Variants in PTCH1 observed in about 807,000 individuals in gnomAD.
PTCH1 encodes the protein patched 1.
A neutral mutation model predicts 144.6 loss-of-function variants in PTCH1; 14 were observed. The observed-to-expected ratio is 0.10, with a 90% CI of 0.06 to 0.15. PTCH1 has a LOEUF of 0.15. Among genes scored for constraint, PTCH1 ranks in the 10% least tolerant of loss-of-function variants. The pLI is 1.00. For synonymous variants in PTCH1, 833 were observed against 793.6 expected, an observed-to-expected ratio of 1.05 and a Z score of -0.83; for missense variants, 1,623 against 1,948.3, an observed-to-expected ratio of 0.83 and a Z score of 3.14.
At chr9:95,490,629 G>A (rs1842332257) in intron 2 of PTCH1, among the ~76,000 whole-genome samples, 1 of 151,334 alleles carries the variant, frequency 6.6e-6, no homozygotes, top group Non-Finnish European at 1.5e-5. Context: ...AAAAAAAATA[G>A]GCATCTCTGT....
chr9:95,508,503 G>A lies in PTCH1; in HGVS notation c.-142C>T, dbSNP rs1230171342. The A allele has an allele frequency of 9.8e-6, 10 of 1,018,892 alleles. No individual in the cohort carries two copies. The South Asian group carries it at 3.1e-4, about 32-fold the overall frequency. 63.1% of individuals were successfully genotyped at this position (1,018,892 alleles called of 1,614,324 possible). A position where few individuals can be genotyped will look rare whatever the true frequency, so the allele number is the denominator to read the frequency against. ...CTGGCCGCAGGCTGCTCGGGCTCGG[G>A]CTCCGGTTGACAGACCAGCCGCTGC... On this transcript the variant is annotated 5_prime_UTR_variant, in exon 1 of 24. Transcript: ENST00000331920.
Position 95,485,948 on chromosome 9 carries a change from C to T in PTCH1, c.395-74G>A, listed in dbSNP as rs566383017. On this transcript the variant is annotated intron_variant, in intron 2 of 23. Coordinates refer to ENST00000331920, the MANE Select transcript of PTCH1 (RefSeq NM_000264.5). Reference sequence around the variant, plus strand: ...TCATGTTTTATCTGTTATCTGACTACCTGCCATAGGATACACAATAGATGA... The same window carrying T: ...TCATGTTTTATCTGTTATCTGACTATCTGCCATAGGATACACAATAGATGA... 2,575 of 1,518,728 alleles carry T rather than the reference C, an allele frequency of 1.7e-3. 7 individuals carry two copies. Among genetic ancestry groups the T allele is most frequent in the Middle Eastern group, 2.5e-3 (13 of 5,262 alleles). The allele number at this position is 1,518,728 out of a possible 1,614,324, so 94.1% of individuals were successfully genotyped here.
At chr9:95,477,989 G>A in intron 9 of PTCH1, 66 bp downstream of exon 9, 1 of 1,609,918 alleles carries the variant, frequency 6.2e-7, no homozygotes. Context: ...GAGCAGTCAT[G>A]GAAAAGTAAA....
chr9:95,516,853 G>A lies in PTCH1; in HGVS notation c.-382C>T, dbSNP rs749767389. On this transcript the variant is annotated 5_prime_UTR_variant, in exon 1 of 23. Transcript: ENST00000430669. ...GGCGTGGGTGGTCTGCCGCGCCATA[G>A]GCAGGACCTGTCAGGGTCACGTGAC... 7.7e-6 allele frequency: 12 copies of A among 1,558,814 alleles called. No homozygotes were observed. The African/African-American group carries it at 1.5e-4, about 20-fold the overall frequency.
Position 95,456,192 on chromosome 9 carries a change from G to GC in PTCH1, c.3306+83dup, listed in dbSNP as rs5899258. On this transcript the variant is annotated intron_variant, in intron 19 of 23. Coordinates refer to ENST00000331920, the MANE Select transcript of PTCH1 (RefSeq NM_000264.5). Reference sequence around the variant, plus strand: ...TTTCACTGCCACGCACAGGGAGAATGCAAGGTTCCCACTTGGAGACAAACA... The same window carrying GC: ...TTTCACTGCCACGCACAGGGAGAATGCCAAGGTTCCCACTTGGAGACAAACA... 596,001 of 1,587,744 alleles carry GC rather than the reference G, an allele frequency of 0.38. 117,544 individuals are homozygous for GC. Among genetic ancestry groups the GC allele is most frequent in the African/African-American group, 0.68 (50,982 of 74,666 alleles).
At position 95,458,837 on chromosome 9, in the gene PTCH1, T is replaced by C. The variant is rs1029951396; in HGVS notation, c.2888-544A>G. Among the ~76,000 whole-genome samples the C allele has an allele frequency of 2.6e-5, 4 of 152,242 alleles. No homozygotes were observed. Among genetic ancestry groups the C allele is most frequent in the African/African-American group, 9.6e-5 (4 of 41,466 alleles). ...TTCCAGACCCTCTGGGGTCATTCAG[T>C]TGACTTGCTAAACATGATTTGCCCT... is the stretch of plus-strand genomic sequence containing the variant. On this transcript the variant is annotated intron_variant, in intron 17 of 23. Coordinates refer to ENST00000331920, the MANE Select transcript of PTCH1 (RefSeq NM_000264.5). The surrounding 1 kb of genome is among the most constrained non-coding windows in gnomAD (Gnocchi z 4.7).
In PTCH1 at chr9:95,477,695, T is replaced by C. The variant is rs1255345516; in HGVS notation, c.1355A>G (p.Tyr452Cys). 3 of 1,614,130 alleles carry C rather than the reference T, an allele frequency of 1.9e-6. No homozygotes were observed. Among genetic ancestry groups the C allele is most frequent in the Non-Finnish European group, 1.7e-6 (2 of 1,180,024 alleles). The change falls in exon 10 of 24, where the codon TAT (tyrosine) becomes TGT (cysteine). Residue 452 changes from tyrosine to cysteine, a missense_variant. Coordinates refer to ENST00000331920, the MANE Select transcript of PTCH1 (RefSeq NM_000264.5). ...CCAGCGCAGCATGGTTAGACAGGCA[T>C]AGGCGAGCTGCAAGCAGAACAATGG... ...VASGYLLMLA[Y>C]ACLTMLRWDC...
In PTCH1 at chr9:95,469,079, G is replaced by A. The variant is rs2118053862; in HGVS notation, c.1922C>T (p.Pro641Leu). The A allele has an allele frequency of 1.2e-6, 2 of 1,614,086 alleles. No homozygotes were observed. Among genetic ancestry groups the A allele is most frequent in the Non-Finnish European group, 1.7e-6 (2 of 1,180,028 alleles). Residue 641 changes from proline to leucine, a missense_variant, in exon 14 of 24, where the codon CCC becomes CTC. By Grantham distance (98) the Pro-to-Leu change is moderately conservative. Around this residue, in one of 7 missense-constraint regions of PTCH1, gnomAD observed 179 missense variants for 165.7 expected, o/e 1.08. Coordinates refer to ENST00000331920, the MANE Select transcript of PTCH1 (RefSeq NM_000264.5). ...TDTHDNTRYSPPPPYSSHSFA... is the reference protein window; with the variant it reads ...TDTHDNTRYSLPPPYSSHSFA... ...GCTGTGGCTGCTGTAGGGAGGTGGG[G>A]GGCTGTAGCGGGTATTGTCGTGTGT...
chr9:95,516,903 C>T, exon 1 of PTCH1: 1 of 1,194,716 alleles, frequency 8.4e-7, no homozygotes, highest in Admixed American at 2.4e-5. Context: ...TACCCCTTTA[C>T]AATAAACTCA....
rs1439754775 is a variant in PTCH1 at position 95,443,424 on chromosome 9, ATAT to A, written c.*2966_*2968del. 1.3e-5 allele frequency: 2 copies of A among 152,670 alleles called. No homozygotes were observed. The highest frequency in any genetic ancestry group is 2.4e-5 in the African/African-American group (1 of 41,466). 9.5% of individuals were successfully genotyped at this position (152,670 alleles called of 1,614,324 possible). A position where few individuals can be genotyped will look rare whatever the true frequency, so the allele number is the denominator to read the frequency against. On this transcript the variant is annotated 3_prime_UTR_variant, in exon 24 of 24. Coordinates refer to ENST00000331920, the MANE Select transcript of PTCH1 (RefSeq NM_000264.5). ...CAAACAAAGATATAACCAACAAGTT[ATAT>A]TATTTTTTATTCATGTTAGAATTTC...
intron 2 of PTCH1, among the ~76,000 whole-genome samples, chr9:95,493,650 AC>A (rs1462064123): frequency 3.3e-5 from 5 of 152,234 alleles, no homozygotes; most frequent in African/African-American, 4.8e-5. Context: ...GAATTATCTA[AC>A]AGCCTCTAGA....
rs202192880 is a variant in PTCH1 at position 95,506,348 on chromosome 9, C to CT, written c.394+58dup. 8.0e-4 allele frequency: 1,245 copies of CT among 1,565,546 alleles called. 10 individuals carry two copies. The African/African-American group carries it at 0.014, about 17-fold the overall frequency. On this transcript the variant is annotated intron_variant, in intron 2 of 23. Transcript: ENST00000331920. Reference sequence around the variant, plus strand: ...TCTAGGTGTGCGCTGGCGAATATCTCTATCAACCGCGAGGAGGGACCGGGC... The same window carrying CT: ...TCTAGGTGTGCGCTGGCGAATATCTCTTATCAACCGCGAGGAGGGACCGGGC...
intron 1 of PTCH1, 148 bp downstream of exon 1, chr9:95,508,013 C>T: frequency 1.3e-6 from 2 of 1,525,754 alleles, no homozygotes; most frequent in Non-Finnish European, 1.8e-6. Context: ...CCCCATTTGT[C>T]TGCTGCTTTT....
rs760180952 is a variant in PTCH1, at chr9:95,449,767, C to T, written c.3549+74G>A. On this transcript the variant is annotated intron_variant, in intron 21 of 23. Coordinates refer to ENST00000331920, the MANE Select transcript of PTCH1 (RefSeq NM_000264.5). The surrounding 1 kb of genome is among the most constrained non-coding windows in gnomAD (Gnocchi z 5.3). Reference sequence around the variant, plus strand: ...AGCAAGTGGGGAGGCACCTAAGTATCGAAGTGAAGAGCGGCACAGGAAACA... The same window carrying T: ...AGCAAGTGGGGAGGCACCTAAGTATTGAAGTGAAGAGCGGCACAGGAAACA... The T allele has an allele frequency of 9.5e-6, 13 of 1,362,442 alleles. No homozygotes were observed. The highest frequency in any genetic ancestry group is 2.9e-5 in the African/African-American group (2 of 69,538). The allele number at this position is 1,362,442 out of a possible 1,614,324, so 84.4% of individuals were successfully genotyped here.
chr9:95,488,913 C>G (rs1842182921), intron 2 of PTCH1, among the ~76,000 whole-genome samples: 1 of 152,188 alleles, frequency 6.6e-6, no homozygotes, highest in South Asian at 2.1e-4. Context: ...GAACCAGCAA[C>G]TGCAAAGCCC....
At chr9:95,494,476 C>G (rs1842659926) in intron 2 of PTCH1, 1 of 980,904 alleles carries the variant, frequency 1.0e-6, no homozygotes, top group Non-Finnish European at 1.2e-6. Context: ...ACGTTGCTGA[C>G]TTCCTGCAGA....
chr9:95,513,940 A>C (rs2118945947), upstream of PTCH1: 1 of 152,288 alleles, frequency 6.6e-6, no homozygotes. Flanking sequence ...GGAGTAAATG[A>C]GGGGTCTACA....
chr9:95,468,624 GT>G, intron 14 of PTCH1, 126 bp downstream of exon 14: 1 of 1,283,956 alleles, frequency 7.8e-7, no homozygotes, highest in Non-Finnish European at 1.1e-6. Flanking sequence ...GGACTGAAAT[GT>G]ATCATACTTA....
chr9:95,508,506 C>T lies in PTCH1; in HGVS notation c.-145G>A, dbSNP rs112548121. On this transcript the variant is annotated 5_prime_UTR_variant, in exon 1 of 24. Transcript: ENST00000331920. ...GCCGCAGGCTGCTCGGGCTCGGGCT[C>T]CGGTTGACAGACCAGCCGCTGCTGC... is the stretch of plus-strand genomic sequence containing the variant. 2.0e-6 allele frequency: 2 copies of T among 1,017,670 alleles called. No homozygotes were observed. Among genetic ancestry groups the T allele is most frequent in the Non-Finnish European group, 2.3e-6 (2 of 851,182 alleles). 63.0% of individuals were successfully genotyped at this position (1,017,670 alleles called of 1,614,324 possible).
Sources: gnomAD v4.1 joint callset for allele counts (sites outside exome capture counted in the v4.1 genomes callset) on GRCh38, gnomAD v4.1.1 for gene constraint, gnomAD v4.1.1 regional missense constraint, Gnocchi (gnomAD v3.1) non-coding constraint, MANE v1.5 for transcripts, NCBI Gene and HGNC (gene_info 2026-07-23, HGNC 2026-07-21) for gene names.